GRM1: variants seen among roughly 807,000 people sequenced by gnomAD.
GRM1 encodes the protein metabotropic glutamate receptor 1.
A neutral mutation model predicts 90.9 loss-of-function variants in GRM1; 33 were observed. The observed-to-expected ratio is 0.36, with a 90% CI of 0.28 to 0.49. The LOEUF is 0.49. Among genes scored for constraint, GRM1 ranks in the 20% least tolerant of loss-of-function variants. The pLI, the probability that GRM1 is intolerant of heterozygous loss-of-function variation, is 0.99. For missense variants in GRM1, 1,190 were observed against 1,534.3 expected (o/e 0.78, Z 3.75); for synonymous variants, 700 against 613.2 (o/e 1.14, Z -2.09).
At chr6:146,396,742 A>C (rs1402213778) in intron 6 of GRM1, among the ~76,000 whole-genome samples, 1 of 152,224 alleles carries the variant, frequency 6.6e-6, no homozygotes, top group East Asian at 1.9e-4. Flanking sequence ...GATATGGAAA[A>C]AAATATTTAT....
chr6:146,049,938 G>A (rs960385), intron 1 of GRM1, among the ~76,000 whole-genome samples: 40,466 of 151,692 alleles, frequency 0.27, 5,888 homozygotes, highest in Middle Eastern at 0.38. Context: ...AAAAGTGGCA[G>A]ACGCAGGGTT....
intron 2 of GRM1, among the ~76,000 whole-genome samples, chr6:146,172,288 C>T (rs574389058): frequency 6.6e-6 from 1 of 152,278 alleles, no homozygotes; most frequent in African/African-American, 2.4e-5. Context: ...ACTGCCATCT[C>T]CCTTGTTCTC....
At position 146,434,684 on chromosome 6, in the gene GRM1, G is replaced by A; in HGVS notation, c.3473G>A (p.Gly1158Asp). The A allele has an allele frequency of 6.2e-7, 1 of 1,605,670 alleles. No homozygotes were observed. The highest frequency in any genetic ancestry group is 8.5e-7 in the Non-Finnish European group (1 of 1,179,996). Residue 1158 changes from glycine (G) to aspartate (D), a missense_variant, in exon 8 of 8, where the codon GGC (glycine) becomes GAC (aspartate). Physicochemically the swap from Gly to Asp is moderately conservative, Grantham distance 94. Around this residue, in one of 10 missense-constraint regions of GRM1, gnomAD observed 48 missense variants for 48.5 expected, o/e 0.99. Coordinates refer to ENST00000282753, the MANE Select transcript of GRM1 (RefSeq NM_001278064.2). ...PSPFRDSVAS[G>D]SSVPSSPVSE... Reference sequence around the variant, plus strand: ...CCTTTCCGCGACTCGGTGGCCTCGGGCAGCTCGGTGCCCAGCTCCCCCGTG... The same window carrying A: ...CCTTTCCGCGACTCGGTGGCCTCGGACAGCTCGGTGCCCAGCTCCCCCGTG...
At chr6:146,131,215 A>G (rs1303006259) in intron 1 of GRM1, among the ~76,000 whole-genome samples, 11 of 152,178 alleles carry the variant, frequency 7.2e-5, no homozygotes, top group Admixed American at 7.2e-4. Flanking sequence ...GTGGCTGATG[A>G]TGAATTTGTC....
chr6:146,274,153 AG>A (rs1782270515), intron 2 of GRM1, among the ~76,000 whole-genome samples: 1 of 148,312 alleles, frequency 6.7e-6, no homozygotes, highest in Non-Finnish European at 1.5e-5. Context: ...AGCCATTCAA[AG>A]AGGAACCAAA....
intron 3 of GRM1, among the ~76,000 whole-genome samples, chr6:146,318,155 C>T (rs1427667624): frequency 1.3e-5 from 2 of 152,130 alleles, no homozygotes; most frequent in Non-Finnish European, 2.9e-5. Context: ...CCCCTAGCCC[C>T]CTATCCCCCA....
chr6:146,309,591 C>G (rs1275491380), intron 3 of GRM1, among the ~76,000 whole-genome samples: 2 of 151,932 alleles, frequency 1.3e-5, no homozygotes, highest in Non-Finnish European at 2.9e-5. Flanking sequence ...GCTTCATGGT[C>G]TTTATAACCA....
At chr6:146,236,664 G>T (rs558913309) in intron 2 of GRM1, among the ~76,000 whole-genome samples, 2 of 152,148 alleles carry the variant, frequency 1.3e-5, no homozygotes, top group South Asian at 2.1e-4. Flanking sequence ...TGTTGTTGTT[G>T]TTGTTCCCTT....
At chr6:146,428,571 G>C (rs902643522) in intron 7 of GRM1, among the ~76,000 whole-genome samples, 1 of 152,146 alleles carries the variant, frequency 6.6e-6, no homozygotes, top group African/African-American at 2.4e-5. Context: ...TTACTATTAA[G>C]AGATTGTTTC....
chr6:146,171,730 C>G (rs943828540), intron 2 of GRM1: 1 of 294,084 alleles, frequency 3.4e-6, no homozygotes, highest in Non-Finnish European at 7.0e-6. Flanking sequence ...TCCATAAAAG[C>G]AATCAGATAC....
At chr6:146,233,822 A>T (rs1780531408) in intron 2 of GRM1, among the ~76,000 whole-genome samples, 1 of 152,120 alleles carries the variant, frequency 6.6e-6, no homozygotes, top group Admixed American at 6.6e-5. Context: ...AAGCTAGGTC[A>T]GAGTGTGGTT....
At chr6:146,108,318 T>A (rs548794460) in intron 1 of GRM1, among the ~76,000 whole-genome samples, 1 of 152,100 alleles carries the variant, frequency 6.6e-6, no homozygotes, top group African/African-American at 2.4e-5. Context: ...AATTCCCATG[T>A]GTCATGGGAG....
intron 2 of GRM1, among the ~76,000 whole-genome samples, chr6:146,175,877 C>A (rs1381656413): frequency 1.3e-5 from 2 of 152,132 alleles, no homozygotes; most frequent in African/African-American, 2.4e-5. Flanking sequence ...ACAGAGCTTA[C>A]AATAATACTC....
intron 7 of GRM1, among the ~76,000 whole-genome samples, chr6:146,414,852 A>C (rs74301710): frequency 0.029 from 4,462 of 152,272 alleles, 182 homozygotes; most frequent in African/African-American, 0.088. Context: ...CCAATTGATA[A>C]ATTTTCCTTT....
intron 5 of GRM1, among the ~76,000 whole-genome samples, chr6:146,377,926 T>G (rs1188404024): frequency 6.6e-6 from 1 of 151,938 alleles, no homozygotes; most frequent in Non-Finnish European, 1.5e-5. Context: ...AAGTTGGAAG[T>G]GTGTGTGCAC....
intron 2 of GRM1, among the ~76,000 whole-genome samples, chr6:146,179,964 A>T (rs1251535323): frequency 1.3e-5 from 2 of 152,104 alleles, no homozygotes; most frequent in South Asian, 2.1e-4. Flanking sequence ...CAACACAGGG[A>T]TACTTTGTCT....
intron 1 of GRM1, among the ~76,000 whole-genome samples, chr6:146,069,739 G>A (rs529099347): frequency 2.0e-5 from 3 of 152,268 alleles, no homozygotes; most frequent in African/African-American, 7.2e-5. Flanking sequence ...CTACTGGAAA[G>A]CCAATGAAGC....
At chr6:146,277,774 GAGGGTGAATTGTGCCTGCCTCACCCCA>G (rs1562576561) in intron 2 of GRM1, among the ~76,000 whole-genome samples, 1 of 152,174 alleles carries the variant, frequency 6.6e-6, no homozygotes, top group Non-Finnish European at 1.5e-5. Flanking sequence ...AGTTGAGACT[GAGGGTGAATTGTGCCTGCCTCACCCCA>G]AAGTATGGTT....
intron 1 of GRM1, among the ~76,000 whole-genome samples, chr6:146,032,581 T>C (rs1447897905): frequency 6.6e-6 from 1 of 152,166 alleles, no homozygotes; most frequent in African/African-American, 2.4e-5. Context: ...GGGTCGCTTA[T>C]TGGTGACAGT....
Sources: allele counts gnomAD v4.1 joint callset (sites outside exome capture counted in the v4.1 genomes callset), GRCh38; gene constraint gnomAD v4.1.1; regional missense constraint gnomAD v4.1.1; transcripts MANE v1.5; gene names NCBI Gene and HGNC (gene_info 2026-07-23, HGNC 2026-07-21).